CEP128: variants seen among roughly 807,000 people sequenced by gnomAD.
CEP128 encodes the protein centrosomal protein 128, also known as centrosomal protein 128kDa.
Under a neutral mutation model 156.7 loss-of-function variants are expected in CEP128, and 132 were observed. The observed-to-expected ratio is 0.84, with a 90% confidence interval of 0.73 to 0.97. The LOEUF (loss-of-function observed/expected upper bound fraction) is 0.97, where lower values mean the gene tolerates loss of function less well. CEP128 is among the 50% of genes least tolerant of loss of function. CEP128 has a pLI of 0.00. For synonymous variants in CEP128, 469 were observed against 448.9 expected (o/e 1.04, Z -0.57); for missense variants, 1,252 against 1,281.9 (o/e 0.98, Z 0.36).
chr14:80,822,033 A>C (rs1158685098), intron 13 of CEP128, among the ~76,000 whole-genome samples: 1 of 152,046 alleles, frequency 6.6e-6, no homozygotes, highest in Non-Finnish European at 1.5e-5. Context: ...CACAGGAAAG[A>C]CCTGCCCCCG....
intron 19 of CEP128, among the ~76,000 whole-genome samples, chr14:80,598,997 C>T (rs1892462366): frequency 6.6e-6 from 1 of 152,030 alleles, no homozygotes; most frequent in African/African-American, 2.4e-5. Context: ...TGATAATGTA[C>T]AATGATTTTA....
intron 19 of CEP128, among the ~76,000 whole-genome samples, chr14:80,593,586 C>A (rs1364335975): frequency 6.6e-6 from 1 of 151,678 alleles, no homozygotes; most frequent in Non-Finnish European, 1.5e-5. Context: ...TCTTCTCAGC[C>A]CCAAATCTCC....
chr14:80,814,231 C>A (rs1884720301), intron 13 of CEP128, among the ~76,000 whole-genome samples: 1 of 152,088 alleles, frequency 6.6e-6, no homozygotes. Context: ...TCAAATATTG[C>A]TTCTGCCCTC....
intron 23 of CEP128, among the ~76,000 whole-genome samples, chr14:80,510,376 G>A: frequency 6.6e-6 from 1 of 151,924 alleles, no homozygotes; most frequent in Non-Finnish European, 1.5e-5. Flanking sequence ...TTCTTTGCGG[G>A]TATTGTAAAT....
chr14:80,528,449 C>A (rs191370397), intron 22 of CEP128, among the ~76,000 whole-genome samples: 144 of 152,306 alleles, frequency 9.5e-4, no homozygotes, highest in Non-Finnish European at 1.5e-3. Flanking sequence ...CCATCACGCC[C>A]AGCTAATTTT....
chr14:80,863,744 C>T (rs1204382774), intron 8 of CEP128, among the ~76,000 whole-genome samples: 1 of 152,030 alleles, frequency 6.6e-6, no homozygotes, highest in East Asian at 1.9e-4. Context: ...CAAGAAAAGT[C>T]CTGACAAGGA....
At chr14:80,580,882 C>T (rs1052281806) in intron 19 of CEP128, among the ~76,000 whole-genome samples, 1 of 152,180 alleles carries the variant, frequency 6.6e-6, no homozygotes, top group African/African-American at 2.4e-5. Flanking sequence ...ATTTTTATAA[C>T]CAAATTAAAA....
chr14:80,521,441 T>C (rs1359496591), intron 23 of CEP128, among the ~76,000 whole-genome samples: 2 of 152,188 alleles, frequency 1.3e-5, no homozygotes, highest in Admixed American at 6.5e-5. Context: ...CCCAGGTTGA[T>C]TTCTGAATAA....
intron 21 of CEP128, among the ~76,000 whole-genome samples, chr14:80,533,382 TTAAG>T (rs1287012703): frequency 6.6e-6 from 1 of 152,130 alleles, no homozygotes; most frequent in Non-Finnish European, 1.5e-5. Context: ...TGAACCAAGG[TTAAG>T]TAAGTATGTA....
intron 2 of CEP128, among the ~76,000 whole-genome samples, chr14:80,954,496 A>C (rs1186370128): frequency 6.6e-6 from 1 of 152,160 alleles, no homozygotes; most frequent in Non-Finnish European, 1.5e-5. Flanking sequence ...GTATACATCC[A>C]CTTAACCTCC....
chr14:80,703,685 C>T (rs1239876112), intron 19 of CEP128, among the ~76,000 whole-genome samples: 1 of 151,972 alleles, frequency 6.6e-6, no homozygotes, highest in Non-Finnish European at 1.5e-5. Flanking sequence ...CCCAATGGTG[C>T]CATTTTGTTT....
chr14:80,742,815 A>G (rs1039730551), intron 19 of CEP128: 4 of 414,482 alleles, frequency 9.7e-6, no homozygotes, highest in African/African-American at 6.1e-5. Flanking sequence ...TTACTAAGAC[A>G]GAAGCAGTAT....
At chr14:80,642,787 GCT>G (rs1391636436) in intron 19 of CEP128, among the ~76,000 whole-genome samples, 1 of 149,184 alleles carries the variant, frequency 6.7e-6, no homozygotes, top group African/African-American at 2.5e-5. Context: ...ACAGAGTCTT[GCT>G]CTGTCACCCA....
At chr14:80,948,855 A>G (rs1310924867) in intron 2 of CEP128, among the ~76,000 whole-genome samples, 1 of 152,240 alleles carries the variant, frequency 6.6e-6, no homozygotes, top group Non-Finnish European at 1.5e-5. Flanking sequence ...ATTAATTGTC[A>G]TAGCAATTTG....
At chr14:80,578,463 C>T (rs1566790575) in intron 20 of CEP128, among the ~76,000 whole-genome samples, 1 of 152,152 alleles carries the variant, frequency 6.6e-6, no homozygotes, top group East Asian at 1.9e-4. Flanking sequence ...GATGTGCTAA[C>T]ATTGTAAATT....
At chr14:80,569,192 A>T (rs1891038707) in intron 20 of CEP128, among the ~76,000 whole-genome samples, 1 of 152,242 alleles carries the variant, frequency 6.6e-6, no homozygotes, top group Non-Finnish European at 1.5e-5. Context: ...TTCTGCATTT[A>T]GAGAAAATGA....
At chr14:80,836,152 C>A (rs111347550) in intron 12 of CEP128, 53 bp downstream of exon 12, 31,595 of 1,567,428 alleles carry the variant, frequency 0.02, 396 homozygotes, top group Middle Eastern at 0.049. Flanking sequence ...CTAAGAAAAA[C>A]CAAAAAGCCC....
At chr14:80,598,776 G>A (rs1892450752) in intron 19 of CEP128, among the ~76,000 whole-genome samples, 1 of 152,154 alleles carries the variant, frequency 6.6e-6, no homozygotes, top group Non-Finnish European at 1.5e-5. Flanking sequence ...TATGCTCATA[G>A]CTCAATAGAA....
At chr14:80,849,077 C>T (rs78788235) in intron 9 of CEP128, among the ~76,000 whole-genome samples, 2,299 of 151,940 alleles carry the variant, frequency 0.015, 63 homozygotes, top group African/African-American at 0.053. Flanking sequence ...GAACAGTTTC[C>T]AATTTAAAAA....
Sources: allele counts gnomAD v4.1 joint callset (sites outside exome capture counted in the v4.1 genomes callset), GRCh38; gene constraint gnomAD v4.1.1; transcripts MANE v1.5; gene names NCBI Gene and HGNC (gene_info 2026-07-23, HGNC 2026-07-21).